The following HMCN1 variants were observed in gnomAD, a reference collection of about 807,000 sequenced individuals.
The protein encoded by HMCN1 is hemicentin-1.
HMCN1 carries 321 observed loss-of-function variants against 625.9 expected under a neutral mutation model. That is an observed-to-expected ratio of 0.51 (90% CI 0.47 to 0.56). The LOEUF is 0.56. Ranked by LOEUF, HMCN1 falls within the 20% of genes least tolerant of loss-of-function variation. The probability of loss-of-function intolerance (pLI) is 0.00; values close to 1 mark genes in which losing one functional copy is unlikely to be tolerated. For missense variants in HMCN1, 6,588 were observed against 6,887.3 expected (o/e 0.96, Z 1.54); for synonymous variants, 2,425 against 2,417.6 (o/e 1.00, Z -0.09).
At chr1:185,902,403 A>G (rs796889795) in intron 4 of HMCN1, among the ~76,000 whole-genome samples, 9 of 124,412 alleles carry the variant, frequency 7.2e-5, no homozygotes, top group African/African-American at 2.7e-4. Context: ...CTATCTATCT[A>G]TCTCTATCTA....
chr1:185,764,208 A>G (rs947988328), intron 1 of HMCN1, among the ~76,000 whole-genome samples: 2 of 152,140 alleles, frequency 1.3e-5, no homozygotes, highest in Admixed American at 6.5e-5. Flanking sequence ...GTTCTTTTCT[A>G]CTTCTTTGCA....
intron 1 of HMCN1, among the ~76,000 whole-genome samples, chr1:185,790,439 G>T (rs184995518): frequency 6.6e-6 from 1 of 152,224 alleles, no homozygotes; most frequent in African/African-American, 2.4e-5. Context: ...TCATATCACT[G>T]CTTTATCCTG....
chr1:185,979,859 A>G lies in HMCN1; in HGVS notation c.2567-1119A>G, dbSNP rs376000189. ...TAGATTAAACTGCTCATTTTGGTTC[A>G]TATATTTACAAGATTATACCCATTC... On this transcript the variant is annotated intron_variant, in intron 16 of 106. Transcript: ENST00000271588. Among the ~76,000 whole-genome samples, 19 of 152,056 alleles carry G rather than the reference A, an allele frequency of 1.2e-4. No homozygotes were observed. In the East Asian group the frequency reaches 1.7e-3, roughly 14 times the overall value.
intron 8 of HMCN1, 26 bp from the exon 9 acceptor site, chr1:185,925,021 G>A (rs757304098): frequency 1.3e-6 from 2 of 1,571,368 alleles, no homozygotes; most frequent in South Asian, 2.3e-5. Flanking sequence ...TAAGTTTTTT[G>A]TTTTTGTTTT....
chr1:185,979,963 C>A (rs1426013453), intron 16 of HMCN1, among the ~76,000 whole-genome samples: 3 of 152,164 alleles, frequency 2.0e-5, no homozygotes, highest in African/African-American at 7.2e-5. Flanking sequence ...CAGCCCACCT[C>A]TTCAACTTCA....
At chr1:185,887,843 A>T (rs1013089791) in intron 4 of HMCN1, among the ~76,000 whole-genome samples, 4 of 140,828 alleles carry the variant, frequency 2.8e-5, no homozygotes, top group Non-Finnish European at 4.7e-5. Flanking sequence ...TGGCTGGGTC[A>T]AATGGTATTT....
intron 58 of HMCN1, among the ~76,000 whole-genome samples, chr1:186,086,662 T>A (rs926470301): frequency 6.6e-5 from 10 of 152,084 alleles, no homozygotes; most frequent in African/African-American, 2.4e-4. Context: ...TAGAACGGCC[T>A]AGTAATACCA....
intron 29 of HMCN1, 109 bp from the exon 30 acceptor site, chr1:186,007,019 A>G: frequency 1.2e-6 from 1 of 854,008 alleles, no homozygotes; most frequent in South Asian, 1.5e-5. Context: ...TATTTTTTAA[A>G]TTAACTTTTA....
intron 26 of HMCN1, among the ~76,000 whole-genome samples, chr1:186,000,524 A>C (rs1442986919): frequency 6.6e-6 from 1 of 150,760 alleles, no homozygotes; most frequent in African/African-American, 2.4e-5. Flanking sequence ...GGGATAAAGG[A>C]AAGTTATCAG....
intron 1 of HMCN1, among the ~76,000 whole-genome samples, chr1:185,798,950 T>G (rs1433945497): frequency 6.6e-6 from 1 of 152,204 alleles, no homozygotes; most frequent in African/African-American, 2.4e-5. Context: ...TAACACTTTT[T>G]CATACTTTCA....
chr1:186,007,470 T>C (rs1374668266), intron 30 of HMCN1, among the ~76,000 whole-genome samples, 188 bp downstream of exon 30: 2 of 152,190 alleles, frequency 1.3e-5, no homozygotes, highest in Non-Finnish European at 2.9e-5. Context: ...AATGCCTTTT[T>C]TCATTAAATA....
rs1653655838 is a variant in HMCN1 at position 186,190,507 on chromosome 1, T to G, written c.*629T>G. The G allele has an allele frequency of 4.9e-6, 1 of 202,108 alleles. No individual in the cohort carries two copies. The highest frequency in any genetic ancestry group is 1.0e-5 in the Non-Finnish European group (1 of 98,138). 12.5% of individuals were successfully genotyped at this position (202,108 alleles called of 1,614,324 possible). ...AACAAGGATATTATTTTCAGTGATT[T>G]TGTGAGATCAGCTGAACCACTTATG... On this transcript the variant is annotated 3_prime_UTR_variant, in exon 107 of 107. Transcript: ENST00000271588.
chr1:186,020,588 T>C (rs77422453), intron 35 of HMCN1, among the ~76,000 whole-genome samples: 230 of 152,158 alleles, frequency 1.5e-3, no homozygotes, highest in African/African-American at 5.2e-3. Context: ...AAAAGTAGGA[T>C]TGCAAACCGT....
intron 1 of HMCN1, among the ~76,000 whole-genome samples, chr1:185,780,486 G>T (rs1157977596): frequency 6.6e-6 from 1 of 152,116 alleles, no homozygotes; most frequent in African/African-American, 2.4e-5. Context: ...CTGTGGGTTT[G>T]TCATAAATAG....
intron 29 of HMCN1, among the ~76,000 whole-genome samples, chr1:186,006,709 A>ATAATAT (rs903834315): frequency 7.3e-5 from 11 of 151,546 alleles, no homozygotes; most frequent in African/African-American, 2.7e-4. Context: ...TTATTTAAAA[A>ATAATAT]TAATATTATT....
intron 97 of HMCN1, among the ~76,000 whole-genome samples, chr1:186,161,398 T>C (rs1417748333): frequency 1.3e-5 from 2 of 152,196 alleles, no homozygotes; most frequent in African/African-American, 4.8e-5. Context: ...TGTCTTTTAA[T>C]TGGAGCATTT....
At chr1:186,151,108 T>C (rs1425483706) in intron 93 of HMCN1, 92 bp from the exon 94 acceptor site, 14 of 1,237,358 alleles carry the variant, frequency 1.1e-5, no homozygotes, top group Middle Eastern at 1.9e-4. Flanking sequence ...AGAAAAGATT[T>C]GTAGCATCTC....
At chr1:185,866,137 G>T (rs529361901) in intron 4 of HMCN1, among the ~76,000 whole-genome samples, 1 of 152,098 alleles carries the variant, frequency 6.6e-6, no homozygotes, top group Non-Finnish European at 1.5e-5. Flanking sequence ...TTTTGTAGTT[G>T]TTCAGTAAGG....
At chr1:186,141,099 A>G (rs2102545566) in intron 89 of HMCN1, among the ~76,000 whole-genome samples, 1 of 152,336 alleles carries the variant, frequency 6.6e-6, no homozygotes, top group African/African-American at 2.4e-5. Context: ...GATTCTCATA[A>G]GGAGCACACA....
Sources: allele counts gnomAD v4.1 joint callset (sites outside exome capture counted in the v4.1 genomes callset), GRCh38; gene constraint gnomAD v4.1.1; transcripts MANE v1.5; gene names NCBI Gene and HGNC (gene_info 2026-07-23, HGNC 2026-07-21).